PCLO: variants seen among roughly 807,000 people sequenced by gnomAD.
PCLO encodes the protein protein piccolo.
A neutral mutation model predicts 427.5 loss-of-function variants in PCLO; 82 were observed. The ratio of observed to expected loss-of-function variants is 0.19; its 90% CI spans 0.16 to 0.23. The LOEUF is 0.23. Ranked by LOEUF, PCLO falls within the 10% of genes least tolerant of loss-of-function variation. PCLO has a pLI of 1.00. For synonymous variants in PCLO, 2,357 were observed against 2,155.4 expected, an observed-to-expected ratio of 1.09 and a Z score of -2.59; for missense variants, 6,239 against 6,115.9, an observed-to-expected ratio of 1.02 and a Z score of -0.67.
chr7:83,013,842 T>C (rs1028006998), intron 3 of PCLO, among the ~76,000 whole-genome samples: 2 of 152,156 alleles, frequency 1.3e-5, no homozygotes, highest in African/African-American at 2.4e-5. Context: ...TAGAGAAAAA[T>C]TATGAAAACT....
chr7:83,073,525 TGCTTGATATTTA>T (rs1789870534), intron 3 of PCLO, among the ~76,000 whole-genome samples: 1 of 152,010 alleles, frequency 6.6e-6, no homozygotes, highest in Non-Finnish European at 1.5e-5. Flanking sequence ...ACATACATTA[TGCTTGATATTTA>T]GCTTTTTGCA....
chr7:83,091,146 T>C (rs1162017004), intron 3 of PCLO, among the ~76,000 whole-genome samples: 2 of 152,070 alleles, frequency 1.3e-5, no homozygotes, highest in Non-Finnish European at 2.9e-5. Flanking sequence ...TTCAAGAATA[T>C]GTGTGCATAC....
Position 82,966,052 on chromosome 7 carries a change from T to C in PCLO, c.3736A>G (p.Lys1246Glu), listed in dbSNP as rs1293311371. The change falls in exon 4 of 25, where the codon AAA becomes GAA. Residue 1246 changes from lysine (K) to glutamate (E), a missense_variant. Around this residue, in one of 5 missense-constraint regions of PCLO, gnomAD observed 4,677 missense variants for 4,468.4 expected, o/e 1.05. Transcript: ENST00000333891. The part of the protein sequence containing the change: ...LEEKKPTPED[K>E]KLLPEAKTSA... ...GTTTTTGCCTCTGGGAGTAGCTTTTTGTCTTCAGGGGTTGGCTTTTTTTCT... is the reference window on the plus strand; with the variant it reads ...GTTTTTGCCTCTGGGAGTAGCTTTTCGTCTTCAGGGGTTGGCTTTTTTTCT... 6.2e-7 allele frequency: 1 copy of C among 1,613,458 alleles called. No individual in the cohort carries two copies. The highest frequency in any genetic ancestry group is 8.5e-7 in the Non-Finnish European group (1 of 1,179,790).
chr7:82,854,351 C>A (rs936698856), intron 10 of PCLO, among the ~76,000 whole-genome samples: 6 of 152,024 alleles, frequency 3.9e-5, no homozygotes, highest in Non-Finnish European at 8.8e-5. Flanking sequence ...TCATTAATGC[C>A]ACTAACCCAA....
intron 3 of PCLO, among the ~76,000 whole-genome samples, chr7:83,097,544 T>C (rs1044375154): frequency 6.5e-5 from 9 of 138,182 alleles, no homozygotes; most frequent in Non-Finnish European, 1.2e-4. Flanking sequence ...ATATATATAA[T>C]ATATAAAATA....
chr7:82,770,948 C>A (rs1181263003), intron 22 of PCLO, among the ~76,000 whole-genome samples: 1 of 151,862 alleles, frequency 6.6e-6, no homozygotes, highest in African/African-American at 2.4e-5. Context: ...AATATGTTTT[C>A]TGAACAAAGT....
At position 82,866,127 on chromosome 7, in the gene PCLO, C is replaced by G. The variant is rs1793086824; in HGVS notation, c.13654+13210G>C. Among the ~76,000 whole-genome samples the G allele has an allele frequency of 2.0e-5, 3 of 152,098 alleles. No homozygotes were observed. The South Asian group carries it at 6.2e-4, about 31-fold the overall frequency. ...ATGCTCTTGCTCAGGATATTTGTGTCCTTGTCACTTCTCTGCCTATAATGC... is the reference window on the plus strand; with the variant it reads ...ATGCTCTTGCTCAGGATATTTGTGTGCTTGTCACTTCTCTGCCTATAATGC... On this transcript the variant is annotated intron_variant, in intron 10 of 24. Coordinates refer to ENST00000333891, the MANE Select transcript of PCLO (RefSeq NM_033026.6).
At chr7:82,919,946 T>A (rs1794558328) in intron 6 of PCLO, among the ~76,000 whole-genome samples, 2 of 151,888 alleles carry the variant, frequency 1.3e-5, no homozygotes, top group Non-Finnish European at 2.9e-5. Flanking sequence ...ACCCCACAGA[T>A]TTAAATTTAA....
chr7:83,039,859 G>A (rs1337173118), intron 3 of PCLO, among the ~76,000 whole-genome samples: 1 of 152,044 alleles, frequency 6.6e-6, no homozygotes, highest in African/African-American at 2.4e-5. Flanking sequence ...ATGTTTTGTA[G>A]TTTTCAGAGT....
intron 3 of PCLO, among the ~76,000 whole-genome samples, chr7:83,102,022 G>T (rs1449513351): frequency 6.6e-6 from 1 of 151,960 alleles, no homozygotes; most frequent in Non-Finnish European, 1.5e-5. Flanking sequence ...TTTTAAAACT[G>T]GGGAAAACGT....
intron 10 of PCLO, among the ~76,000 whole-genome samples, chr7:82,871,413 T>A (rs575090621): frequency 6.9e-6 from 1 of 145,954 alleles, no homozygotes; most frequent in African/African-American, 2.4e-5. Context: ...TTGATCTCAT[T>A]AATATAGTAA....
chr7:83,004,585 T>G (rs144830109), intron 3 of PCLO, among the ~76,000 whole-genome samples: 10 of 151,458 alleles, frequency 6.6e-5, no homozygotes, highest in African/African-American at 2.4e-4. Flanking sequence ...AGAAAACAGA[T>G]AAAAGTTCCT....
intron 3 of PCLO, among the ~76,000 whole-genome samples, chr7:83,106,297 T>C (rs907757522): frequency 9.2e-5 from 14 of 152,276 alleles, no homozygotes; most frequent in Middle Eastern, 3.4e-3. Context: ...CAAAGCTGTG[T>C]CTGCCGCTAA....
intron 3 of PCLO, among the ~76,000 whole-genome samples, chr7:82,979,093 A>G (rs1796090239): frequency 6.6e-6 from 1 of 152,132 alleles, no homozygotes; most frequent in Non-Finnish European, 1.5e-5. Flanking sequence ...TTAAGGCATG[A>G]TTGTTGGCAT....
Position 82,959,233 on chromosome 7 carries a change from A to T in PCLO, c.4018-2298T>A, listed in dbSNP as rs185616054. 1.9e-3 allele frequency among the ~76,000 whole-genome samples: 295 copies of T among 152,014 alleles called. 2 individuals are homozygous for T. The highest frequency in any genetic ancestry group is 3.3e-3 in the Non-Finnish European group (222 of 67,956). ...AGGCATGTGCCACCACGCCTGGCTAATTTTTGTATTTTTAGTAGAGACGGG... is the reference window on the plus strand; with the variant it reads ...AGGCATGTGCCACCACGCCTGGCTATTTTTTGTATTTTTAGTAGAGACGGG... On this transcript the variant is annotated intron_variant, in intron 4 of 24. Coordinates refer to ENST00000333891, the MANE Select transcript of PCLO (RefSeq NM_033026.6).
chr7:83,011,108 C>T (rs116240496), intron 3 of PCLO, among the ~76,000 whole-genome samples: 1,658 of 152,052 alleles, frequency 0.011, 30 homozygotes, highest in African/African-American at 0.037. Context: ...AATTCTAATG[C>T]TGCTCTTATT....
At chr7:83,079,451 GGAAGAA>G (rs71522644) in intron 3 of PCLO, among the ~76,000 whole-genome samples, 14,188 of 151,884 alleles carry the variant, frequency 0.093, 874 homozygotes, top group Non-Finnish European at 0.13. Flanking sequence ...GGGAGGAGAA[GGAAGAA>G]GAAGAAGAAG....
intron 1 of PCLO, among the ~76,000 whole-genome samples, chr7:83,160,415 T>A (rs1483881222): frequency 6.6e-6 from 1 of 152,176 alleles, no homozygotes; most frequent in Non-Finnish European, 1.5e-5. Context: ...TCTATAACTT[T>A]AAAAGTCTAA....
At chr7:83,092,608 G>A (rs1460308814) in intron 3 of PCLO, among the ~76,000 whole-genome samples, 1 of 152,036 alleles carries the variant, frequency 6.6e-6, no homozygotes, top group Non-Finnish European at 1.5e-5. Context: ...GAAGAGTAGT[G>A]ATCCCTACCA....
Sources: gnomAD v4.1 joint callset for allele counts (sites outside exome capture counted in the v4.1 genomes callset) on GRCh38, gnomAD v4.1.1 for gene constraint, gnomAD v4.1.1 regional missense constraint, MANE v1.5 for transcripts, NCBI Gene and HGNC (gene_info 2026-07-23, HGNC 2026-07-21) for gene names.